The following MYT1 variants were observed in gnomAD, a reference collection of about 807,000 sequenced individuals.
MYT1 encodes myelin transcription factor I.
A neutral mutation model predicts 123.0 loss-of-function variants in MYT1; 23 were observed. The ratio of observed to expected loss-of-function variants is 0.19; its 90% confidence interval spans 0.13 to 0.26. The LOEUF (loss-of-function observed/expected upper bound fraction) is 0.26, where lower values mean the gene tolerates loss of function less well. Ranked by LOEUF, MYT1 falls within the 10% of genes least tolerant of loss-of-function variation. MYT1 has a pLI of 1.00. For synonymous variants in MYT1, 518 were observed against 575.3 expected (o/e 0.90, Z 1.43); for missense variants, 1,125 against 1,472.5 (o/e 0.76, Z 3.86).
At chr20:64,182,838 G>A (rs1982692569) in intron 1 of MYT1, among the ~76,000 whole-genome samples, 1 of 152,228 alleles carries the variant, frequency 6.6e-6, no homozygotes, top group South Asian at 2.1e-4. Context: ...AGTCCCCAGA[G>A]TGTCTCACTG....
intron 3 of MYT1, among the ~76,000 whole-genome samples, chr20:64,199,132 A>G (rs1180549942): frequency 6.6e-6 from 1 of 152,246 alleles, no homozygotes; most frequent in Non-Finnish European, 1.5e-5. Context: ...CCTTGAGGGC[A>G]GAAATGTTGA....
Position 64,218,289 on chromosome 20 carries a change from G to A in MYT1, c.1847-622G>A, listed in dbSNP as rs187268024. ...ACATCGTGATTGCTGAGAACATCGT[G>A]CATGAGAGTGATTTTGCAGCTACAG... On this transcript the variant is annotated intron_variant, in intron 11 of 22. Transcript: ENST00000328439. This position sits in a 1 kb window ranked among gnomAD's most constrained non-coding sequence, Gnocchi z 4.0. 6.6e-6 allele frequency among the ~76,000 whole-genome samples: 1 copy of A among 152,360 alleles called. No individual in the cohort carries two copies. Among genetic ancestry groups the A allele is most frequent in the South Asian group, 2.1e-4 (1 of 4,832 alleles).
intron 16 of MYT1, among the ~76,000 whole-genome samples, chr20:64,224,907 C>G (rs568203614): frequency 2.4e-4 from 37 of 152,324 alleles, no homozygotes; most frequent in African/African-American, 8.7e-4. Flanking sequence ...ATGAAAGGAG[C>G]TTGGCACAGT....
intron 1 of MYT1, among the ~76,000 whole-genome samples, chr20:64,188,828 G>A (rs1404442751): frequency 1.3e-5 from 2 of 152,196 alleles, no homozygotes; most frequent in African/African-American, 2.4e-5. Context: ...GGAGCCTGCG[G>A]TGGGAGCCCT....
At chr20:64,179,543 T>C (rs1982577989) in intron 1 of MYT1, among the ~76,000 whole-genome samples, 1 of 152,224 alleles carries the variant, frequency 6.6e-6, no homozygotes, top group Non-Finnish European at 1.5e-5. Flanking sequence ...GATATCTCTA[T>C]AGACTCGTTG....
In MYT1 at chr20:64,213,481, C is replaced by A; in HGVS notation, c.1518-53C>A. ...CACCCACACACACAGACACCCAGGA[C>A]AGGACAGGCATGGAGGGGAAGGCTC... On this transcript the variant is annotated intron_variant, in intron 9 of 22. Coordinates refer to ENST00000328439, the MANE Select transcript of MYT1 (RefSeq NM_004535.3). The surrounding 1 kb of genome is among the most constrained non-coding windows in gnomAD (Gnocchi z 5.6). 3 of 1,438,392 alleles carry A rather than the reference C, an allele frequency of 2.1e-6. No individual in the cohort carries two copies. The highest frequency in any genetic ancestry group is 1.2e-5 in the South Asian group (1 of 86,488). 89.1% of individuals were successfully genotyped at this position (1,438,392 alleles called of 1,614,324 possible). A position where few individuals can be genotyped will look rare whatever the true frequency, so the allele number is the denominator to read the frequency against.
intron 1 of MYT1, among the ~76,000 whole-genome samples, chr20:64,171,372 T>A (rs1199633357): frequency 1.3e-5 from 2 of 152,222 alleles, no homozygotes; most frequent in African/African-American, 4.8e-5. Flanking sequence ...AGGGAAGCAA[T>A]CCCTAGAAGG....
Position 64,233,644 on chromosome 20 carries a change from G to A in MYT1, c.2897+1259G>A, listed in dbSNP as rs1025889587. Among the ~76,000 whole-genome samples, 172 of 150,974 alleles carry A rather than the reference G, an allele frequency of 1.1e-3. 9 individuals carry two copies. Among genetic ancestry groups the A allele is most frequent in the Admixed American group, 9.3e-4 (14 of 15,128 alleles). On this transcript the variant is annotated intron_variant, in intron 19 of 22. Transcript: ENST00000328439. Reference sequence around the variant, plus strand: ...CCTTGTAGAGTGCATTTTGGGCAGAGTAGGTGGGACAGCCTGTAAACAAAT... The same window carrying A: ...CCTTGTAGAGTGCATTTTGGGCAGAATAGGTGGGACAGCCTGTAAACAAAT...
chr20:64,204,260 GTTATATA>G (rs1983412537), intron 4 of MYT1, among the ~76,000 whole-genome samples: 1 of 152,194 alleles, frequency 6.6e-6, no homozygotes, highest in East Asian at 1.9e-4. Flanking sequence ...TGCTGGTTTG[GTTATATA>G]GGGAGACAGA....
rs144827192 is a variant in MYT1, at chr20:64,172,429, G to T, written c.-99+7690G>T. Among the ~76,000 whole-genome samples the T allele has an allele frequency of 4.4e-3, 677 of 152,330 alleles. 6 individuals carry two copies. The highest frequency in any genetic ancestry group is 0.026 in the South Asian group (124 of 4,832). ...CGAGCTCTCTCCCTTCTGAACTGGG[G>T]ATGAGCCAGCGTGTGGGCTCATCCT... is the stretch of plus-strand genomic sequence containing the variant. On this transcript the variant is annotated intron_variant, in intron 1 of 22. Transcript: ENST00000328439.
intron 1 of MYT1, among the ~76,000 whole-genome samples, chr20:64,176,757 C>T (rs928756581): frequency 1.3e-5 from 2 of 152,340 alleles, no homozygotes; most frequent in African/African-American, 2.4e-5. Flanking sequence ...CTGAACTGCT[C>T]TCCCAGGCAC....
rs557499108 is a variant in MYT1 at position 64,233,153 on chromosome 20, C to G, written c.2897+768C>G. ...TTCTCCCTCCTTTCCTCTTCTCCCTCCCTTCCTCCTTCCCTTTCCCTCCCC... is the reference window on the plus strand; with the variant it reads ...TTCTCCCTCCTTTCCTCTTCTCCCTGCCTTCCTCCTTCCCTTTCCCTCCCC... On this transcript the variant is annotated intron_variant, in intron 19 of 22. Transcript: ENST00000328439. Among the ~76,000 whole-genome samples, 270 of 132,922 alleles carry G rather than the reference C, an allele frequency of 2.0e-3. 2 individuals are homozygous for G. The highest frequency in any genetic ancestry group is 7.3e-3 in the African/African-American group (254 of 34,686). 87.2% of individuals were successfully genotyped at this position (132,922 alleles called of 152,430 possible).
In MYT1 at chr20:64,192,162, G is replaced by A. The variant is rs1454141899; in HGVS notation, c.-1+2002G>A. Among the ~76,000 whole-genome samples, 2 of 152,210 alleles carry A rather than the reference G, an allele frequency of 1.3e-5. No individual in the cohort carries two copies. The highest frequency in any genetic ancestry group is 2.4e-5 in the African/African-American group (1 of 41,452). ...TGCTGCTTCTGTGAACAAAGCCAGG[G>A]ACCCGTGCCCAGGTTCTCGTGGCAT... is the stretch of plus-strand genomic sequence containing the variant. On this transcript the variant is annotated intron_variant, in intron 2 of 22. Coordinates refer to ENST00000328439, the MANE Select transcript of MYT1 (RefSeq NM_004535.3). The surrounding 1 kb of genome is among the most constrained non-coding windows in gnomAD (Gnocchi z 5.3).
intron 1 of MYT1, among the ~76,000 whole-genome samples, chr20:64,172,703 G>A (rs1001038434): frequency 5.5e-4 from 81 of 147,534 alleles, no homozygotes; most frequent in Middle Eastern, 7.2e-3. Context: ...TGGGGAAGAC[G>A]CCCCCAAACC....
chr20:64,205,063 G>T lies in MYT1; in HGVS notation c.115G>T (p.Gly39Trp). The T allele has an allele frequency of 3.7e-6, 6 of 1,614,032 alleles. No individual in the cohort carries two copies. The highest frequency in any genetic ancestry group is 5.1e-6 in the Non-Finnish European group (6 of 1,180,020). ...CCCCACCCCAGGATGCACAGGCTCA[G>T]GGCACGTCCGGGGCAAGTACTCCAG... ...SCPTPGCTGS[G>W]HVRGKYSRHR... The change falls in exon 5 of 23, where the codon GGG becomes TGG. Residue 39 changes from glycine (G) to tryptophan (W), a missense_variant. Physicochemically the swap from Gly to Trp is radical, Grantham distance 184 (BLOSUM62 -2). Around this residue, in one of 4 missense-constraint regions of MYT1, gnomAD observed 406 missense variants for 432.2 expected, o/e 0.94. Coordinates refer to ENST00000328439, the MANE Select transcript of MYT1 (RefSeq NM_004535.3).
In MYT1 at chr20:64,222,054, C is replaced by T. The variant is rs1984022153; in HGVS notation, c.2396+7C>T. 1.2e-6 allele frequency: 2 copies of T among 1,612,148 alleles called. No homozygotes were observed. The highest frequency in any genetic ancestry group is 4.5e-5 in the East Asian group (2 of 44,876). On this transcript the variant is annotated splice_region_variant and intron_variant, in intron 14 of 22. Coordinates refer to ENST00000328439, the MANE Select transcript of MYT1 (RefSeq NM_004535.3). ...TAAAGAAGGAGCTGCTCACGTAAGT[C>T]CCTGTTTGGCTGGCACAGCTCCTAG...
intron 15 of MYT1, 58 bp downstream of exon 15, chr20:64,223,231 C>T: frequency 5.0e-6 from 8 of 1,610,610 alleles, no homozygotes; most frequent in Non-Finnish European, 6.8e-6. Context: ...TCTTCCTCCT[C>T]TCCTCCTCCT....
Position 64,208,538 on chromosome 20 carries a change from C to T in MYT1, c.1291+51C>T, listed in dbSNP as rs563085254. 6.5e-7 allele frequency: 1 copy of T among 1,529,096 alleles called. No homozygotes were observed. Among genetic ancestry groups the T allele is most frequent in the Non-Finnish European group, 8.8e-7 (1 of 1,137,682 alleles). 94.7% of individuals were successfully genotyped at this position (1,529,096 alleles called of 1,614,324 possible). On this transcript the variant is annotated intron_variant, in intron 7 of 22. Coordinates refer to ENST00000328439, the MANE Select transcript of MYT1 (RefSeq NM_004535.3). The surrounding 1 kb of genome is among the most constrained non-coding windows in gnomAD (Gnocchi z 5.4). ...TGCAGACTCATCCTTTCACCCCTGC[C>T]CCAGGTGTGCAGATGCAGGCTGAGA...
chr20:64,209,292 G>A (rs889865946), intron 7 of MYT1, among the ~76,000 whole-genome samples: 20 of 152,158 alleles, frequency 1.3e-4, no homozygotes, highest in African/African-American at 4.8e-4. Context: ...GATTCCTCCT[G>A]GGACAGGGGT....
Sources: gnomAD v4.1 joint callset for allele counts (sites outside exome capture counted in the v4.1 genomes callset) on GRCh38, gnomAD v4.1.1 for gene constraint, gnomAD v4.1.1 regional missense constraint, Gnocchi (gnomAD v3.1) non-coding constraint, MANE v1.5 for transcripts, NCBI Gene and HGNC (gene_info 2026-07-23, HGNC 2026-07-21) for gene names.